The following NENF variants were observed in gnomAD, a reference collection of about 807,000 sequenced individuals.
NENF encodes neudesin.
A neutral mutation model predicts 14.8 loss-of-function variants in NENF; 6 were observed. The observed-to-expected ratio is 0.40, with a 90% CI of 0.22 to 0.80. The LOEUF (loss-of-function observed/expected upper bound fraction) is 0.80, where lower values mean the gene tolerates loss of function less well. Among genes scored for constraint, NENF ranks in the 30% least tolerant of loss-of-function variants. NENF has a pLI of 0.34. For synonymous variants in NENF, 76 were observed against 95.1 expected (o/e 0.80, Z 1.17); for missense variants, 184 against 212.7 (o/e 0.87, Z 0.84).
At chr1:212,440,878 G>T (rs765475575) in intron 1 of NENF, among the ~76,000 whole-genome samples, 11 of 152,184 alleles carry the variant, frequency 7.2e-5, no homozygotes, top group Non-Finnish European at 1.5e-4. Context: ...TGCTTGCAGA[G>T]CCTGAGATTC....
rs1050287230 is a variant in NENF, at chr1:212,433,729, C to G, written c.177+609C>G. Among the ~76,000 whole-genome samples, 5 of 151,824 alleles carry G rather than the reference C, an allele frequency of 3.3e-5. No individual in the cohort carries two copies. In the East Asian group the frequency reaches 7.8e-4, roughly 24 times the overall value. Reference sequence around the variant, plus strand: ...AGAGACCCCCACAACCCCCCCGCCACACGTCAATAGAGACCCCCCCGCCCA... The same window carrying G: ...AGAGACCCCCACAACCCCCCCGCCAGACGTCAATAGAGACCCCCCCGCCCA... On this transcript the variant is annotated intron_variant, in intron 1 of 3. Coordinates refer to ENST00000366988, the MANE Select transcript of NENF (RefSeq NM_013349.5). The surrounding 1 kb of genome is among the most constrained non-coding windows in gnomAD (Gnocchi z 5.5).
At chr1:212,439,856 T>C (rs1662673109) in intron 1 of NENF, among the ~76,000 whole-genome samples, 2 of 148,588 alleles carry the variant, frequency 1.3e-5, no homozygotes, top group Admixed American at 6.7e-5. Flanking sequence ...CTAGACTCCG[T>C]CCCCCCCCCA....
At chr1:212,444,707 A>G (rs760831142) in intron 3 of NENF, among the ~76,000 whole-genome samples, 3 of 152,152 alleles carry the variant, frequency 2.0e-5, no homozygotes, top group East Asian at 3.8e-4. Flanking sequence ...TCTGTTGCCT[A>G]GAGTCAAGTC....
intron 1 of NENF, among the ~76,000 whole-genome samples, chr1:212,434,041 C>A (rs529762834): frequency 3.2e-4 from 48 of 152,274 alleles, no homozygotes; most frequent in Admixed American, 9.2e-4. Flanking sequence ...CCTGGTCTCG[C>A]TAATTCCTGA....
chr1:212,443,813 G>C (rs1056245724), intron 2 of NENF, among the ~76,000 whole-genome samples: 1 of 151,980 alleles, frequency 6.6e-6, no homozygotes, highest in Non-Finnish European at 1.5e-5. Context: ...GGAGGCCAAG[G>C]TGGGCAGATC....
chr1:212,434,719 A>G (rs1662577632), intron 1 of NENF: 1 of 152,166 alleles, frequency 6.6e-6, no homozygotes, highest in African/African-American at 2.4e-5. Context: ...TCTCCAACTG[A>G]CCCGATGATC....
chr1:212,436,454 C>T (rs950462092), intron 1 of NENF, among the ~76,000 whole-genome samples: 7 of 151,904 alleles, frequency 4.6e-5, no homozygotes, highest in Non-Finnish European at 8.8e-5. Flanking sequence ...GGATTACAGG[C>T]GCCCACCACC....
chr1:212,445,942 G>T lies in NENF; in HGVS notation c.455G>T (p.Gly152Val). The change falls in exon 4 of 4, where the codon GGC becomes GTC. Residue 152 changes from glycine (G) to valine (V), a missense_variant. Physicochemically the swap from Gly to Val is moderately radical, Grantham distance 109. Transcript: ENST00000366988. ...GCCCGGAGAATTCTCAATGAGGATG[G>T]CAGCCCTAACCTGGACTTCAAGCCT... is the stretch of plus-strand genomic sequence containing the variant. ...YTARRILNED[G>V]SPNLDFKPED... The T allele has an allele frequency of 6.2e-7, 1 of 1,614,190 alleles. No homozygotes were observed. Among genetic ancestry groups the T allele is most frequent in the Non-Finnish European group, 8.5e-7 (1 of 1,180,022 alleles).
intron 1 of NENF, among the ~76,000 whole-genome samples, chr1:212,435,975 T>C (rs1456162305): frequency 6.6e-6 from 1 of 152,194 alleles, no homozygotes; most frequent in African/African-American, 2.4e-5. Context: ...AAAGTGTTAC[T>C]AAGAAAATCA....
At chr1:212,436,776 A>G (rs1025338145) in intron 1 of NENF, among the ~76,000 whole-genome samples, 3 of 152,142 alleles carry the variant, frequency 2.0e-5, no homozygotes, top group East Asian at 1.9e-4. Context: ...AATCATCACA[A>G]TGGTTATAAT....
rs1460114958 is a variant in NENF at position 212,433,918 on chromosome 1, T to A, written c.177+798T>A. Among the ~76,000 whole-genome samples, 1 of 152,042 alleles carries A rather than the reference T, an allele frequency of 6.6e-6. No individual in the cohort carries two copies. Among genetic ancestry groups the A allele is most frequent in the African/African-American group, 2.4e-5 (1 of 41,392 alleles). ...TTGGGGGGAGGTCATAGTACCATAG[T>A]ATTTCAGAGCTGGCAGGAACCCATC... is the stretch of plus-strand genomic sequence containing the variant. On this transcript the variant is annotated intron_variant, in intron 1 of 3. Transcript: ENST00000366988. The surrounding 1 kb of genome is among the most constrained non-coding windows in gnomAD (Gnocchi z 5.5).
At chr1:212,444,166 C>A (rs941681268) in intron 2 of NENF, among the ~76,000 whole-genome samples, 173 bp from the exon 3 acceptor site, 4 of 152,228 alleles carry the variant, frequency 2.6e-5, no homozygotes, top group Admixed American at 6.5e-5. Context: ...TGGAATCCAA[C>A]CTGATGGCTG....
chr1:212,439,730 C>T (rs950723419), intron 1 of NENF, among the ~76,000 whole-genome samples: 1 of 145,706 alleles, frequency 6.9e-6, no homozygotes, highest in Admixed American at 6.9e-5. Context: ...CGTGGTGACA[C>T]ACGTCTGTAA....
chr1:212,434,002 G>A (rs1662565153), intron 1 of NENF, among the ~76,000 whole-genome samples: 1 of 152,206 alleles, frequency 6.6e-6, no homozygotes, highest in Non-Finnish European at 1.5e-5. Context: ...AGAGCAGGAA[G>A]AGGCCTGATG....
chr1:212,443,743 A>G (rs908963881), intron 2 of NENF, among the ~76,000 whole-genome samples: 1 of 152,250 alleles, frequency 6.6e-6, no homozygotes, highest in African/African-American at 2.4e-5. Context: ...ACTTAGGTGA[A>G]AAAACAGAAC....
intron 3 of NENF, 70 bp downstream of exon 3, chr1:212,444,512 TCTTTTC>T: frequency 1.9e-6 from 2 of 1,036,436 alleles, no homozygotes; most frequent in Admixed American, 5.0e-5. Context: ...TTTTTCTTTT[TCTTTTC>T]GTGTGTGTGT....
intron 1 of NENF, among the ~76,000 whole-genome samples, chr1:212,441,176 G>A (rs914572135): frequency 2.6e-5 from 4 of 152,190 alleles, no homozygotes; most frequent in Non-Finnish European, 4.4e-5. Context: ...TGGGGAAACA[G>A]CATTGCTTAC....
intron 1 of NENF, among the ~76,000 whole-genome samples, chr1:212,436,305 GTCTTTTTTTTT>G (rs1662600041): frequency 7.2e-6 from 1 of 139,070 alleles, no homozygotes; most frequent in African/African-American, 2.7e-5. Flanking sequence ...TAGCCCATGG[GTCTTTTTTTTT>G]TTTTTTTTTT....
chr1:212,446,161 T>A lies in NENF; in HGVS notation c.*155T>A. 1.4e-6 allele frequency: 1 copy of A among 727,856 alleles called. No individual in the cohort carries two copies. The highest frequency in any genetic ancestry group is 2.7e-5 in the East Asian group (1 of 36,534). The allele number at this position is 727,856 out of a possible 1,614,324, so 45.1% of individuals were successfully genotyped here. ...GAAGAGCAAATGCCTCCTGTTGTCC[T>A]TGGTCAGGGGTTCTGTCTACCTGGG... On this transcript the variant is annotated 3_prime_UTR_variant, in exon 4 of 4. Transcript: ENST00000366988.
Sources: allele counts gnomAD v4.1 joint callset (sites outside exome capture counted in the v4.1 genomes callset), GRCh38; gene constraint gnomAD v4.1.1; non-coding constraint Gnocchi (gnomAD v3.1); transcripts MANE v1.5; gene names NCBI Gene and HGNC (gene_info 2026-07-23, HGNC 2026-07-21).